Variants in IL1RL2 observed in about 807,000 individuals in gnomAD.
IL1RL2 encodes interleukin-1 receptor-like 2.
A neutral mutation model predicts 66.8 loss-of-function variants in IL1RL2; 68 were observed. That is an observed-to-expected ratio of 1.02 (90% CI 0.84 to 1.25). The LOEUF (loss-of-function observed/expected upper bound fraction) is 1.25, where lower values mean the gene tolerates loss of function less well. Ranked by LOEUF, IL1RL2 falls within the 50% of genes most tolerant of loss-of-function variation. The pLI, the probability that IL1RL2 is intolerant of heterozygous loss-of-function variation, is 0.00. For synonymous variants in IL1RL2, 305 were observed against 264.6 expected, an observed-to-expected ratio of 1.15 and a Z score of -1.48; for missense variants, 729 against 709.3, an observed-to-expected ratio of 1.03 and a Z score of -0.32.
chr2:102,233,799 C>T (rs1469981146), intron 10 of IL1RL2, among the ~76,000 whole-genome samples: 3 of 152,116 alleles, frequency 2.0e-5, no homozygotes, highest in Non-Finnish European at 2.9e-5. Flanking sequence ...ACAGTGCTTT[C>T]CTGTCCCTTT....
At chr2:102,189,434 TACAAG>T (rs1321342177) in intron 3 of IL1RL2, 124 bp downstream of exon 3, 2 of 645,538 alleles carry the variant, frequency 3.1e-6, no homozygotes, top group South Asian at 2.1e-5. Context: ...TTATAATTGC[TACAAG>T]ACAATTTCCA....
At chr2:102,219,806 C>T (rs1689938531) in intron 7 of IL1RL2, 75 bp from the exon 8 acceptor site, 2 of 1,404,764 alleles carry the variant, frequency 1.4e-6, no homozygotes, top group East Asian at 2.3e-5. Context: ...AACACTTTAT[C>T]TCCAGAAAAC....
rs371560590 is a variant in IL1RL2, at chr2:102,236,711, C to T, written c.1678+1434C>T. On this transcript the variant is annotated intron_variant, in intron 11 of 11. Coordinates refer to ENST00000264257, the MANE Select transcript of IL1RL2 (RefSeq NM_003854.4). ...CATCCTCTCAAGCTGAAATTCTGTG[C>T]CCATTAAGCTATGCCTCCCTATTGC... is the stretch of plus-strand genomic sequence containing the variant. Among the ~76,000 whole-genome samples, 4 of 152,172 alleles carry T rather than the reference C, an allele frequency of 2.6e-5. No individual in the cohort carries two copies. The East Asian group carries it at 7.7e-4, about 29-fold the overall frequency.
intron 6 of IL1RL2, among the ~76,000 whole-genome samples, chr2:102,214,317 T>C (rs1689423744): frequency 1.3e-5 from 2 of 152,184 alleles, no homozygotes; most frequent in African/African-American, 4.8e-5. Context: ...TAAAAAACTA[T>C]AATCACTAGC....
chr2:102,237,754 C>T (rs1013903238), intron 11 of IL1RL2, among the ~76,000 whole-genome samples: 1 of 152,162 alleles, frequency 6.6e-6, no homozygotes. Flanking sequence ...GACATGTAGG[C>T]AGGTTGGCAG....
At chr2:102,201,522 T>G (rs1392563647) in intron 4 of IL1RL2, 34 bp from the exon 5 acceptor site, 1 of 1,598,216 alleles carries the variant, frequency 6.3e-7, no homozygotes, top group Non-Finnish European at 8.6e-7. Context: ...TTCTAAGTAT[T>G]CATTGAATTG....
At position 102,192,115 on chromosome 2, in the gene IL1RL2, T is replaced by C. The variant is rs781579978; in HGVS notation, c.484T>C (p.Tyr162His). The C allele has an allele frequency of 1.3e-6, 2 of 1,560,388 alleles. No homozygotes were observed. The highest frequency in any genetic ancestry group is 1.2e-5 in the South Asian group (1 of 82,764). ...TTGTGTTTTGGGTCCAATAAAGTGG[T>C]ATAAGGTAAAAAAGAATTTTCTTAT... ...KSCVLGPIKW[Y>H]KDCNEIKGER... Residue 162 changes from tyrosine (Y) to histidine (H), a missense_variant, in exon 4 of 12, where the codon TAT becomes CAT. Tyr to His is a moderately conservative substitution (Grantham distance 83, BLOSUM62 2). Coordinates refer to ENST00000264257, the MANE Select transcript of IL1RL2 (RefSeq NM_003854.4).
chr2:102,187,447 C>G, intron 1 of IL1RL2: 1 of 1,018,458 alleles, frequency 9.8e-7, no homozygotes, highest in Admixed American at 4.2e-5. Context: ...GGGGAGGCTC[C>G]GTGCGCCGCG....
chr2:102,191,994 C>G lies in IL1RL2; in HGVS notation c.363C>G (p.Ser121=). ...TVFEKHWCDT[S]IGGLPNLSDE... ...TTGAAAAACATTGGTGTGACACTTC[C>G]ATAGGTGGTTTACCAAATTTATCAG... Residue 121 remains serine (S), a synonymous_variant, in exon 4 of 12, where the codon TCC becomes TCG. Transcript: ENST00000264257. 2 of 1,612,436 alleles carry G rather than the reference C, an allele frequency of 1.2e-6. No homozygotes were observed. Among genetic ancestry groups the G allele is most frequent in the Non-Finnish European group, 8.5e-7 (1 of 1,179,172 alleles).
chr2:102,188,010 T>G (rs949370681), intron 2 of IL1RL2, 85 bp downstream of exon 2: 21 of 1,386,566 alleles, frequency 1.5e-5, no homozygotes, highest in Non-Finnish European at 2.1e-5. Context: ...GGGGATCGCG[T>G]CAGCCCGAGC....
chr2:102,219,255 G>C (rs1477342935), intron 7 of IL1RL2, among the ~76,000 whole-genome samples, 173 bp downstream of exon 7: 1 of 152,152 alleles, frequency 6.6e-6, no homozygotes, highest in East Asian at 1.9e-4. Context: ...GTATCCCTGA[G>C]AGCAGTAAGA....
intron 5 of IL1RL2, among the ~76,000 whole-genome samples, chr2:102,204,535 T>A (rs1435663650): frequency 6.6e-6 from 1 of 152,112 alleles, no homozygotes; most frequent in African/African-American, 2.4e-5. Context: ...TTAGCTCCAA[T>A]AATATTTGTT....
In IL1RL2 at chr2:102,198,476, G is replaced by GGTCC. The variant is rs2104746587; in HGVS notation, c.490-3079_490-3076dup. On this transcript the variant is annotated intron_variant, in intron 4 of 11. Coordinates refer to ENST00000264257, the MANE Select transcript of IL1RL2 (RefSeq NM_003854.4). Reference sequence around the variant, plus strand: ...ATTACTCCTCAGCACAGTGGTTTTGGGTCCCTATCACTGTGCTCAATCTGA... The same window carrying GGTCC: ...ATTACTCCTCAGCACAGTGGTTTTGGGTCCGTCCCTATCACTGTGCTCAATCTGA... Among the ~76,000 whole-genome samples, 2 of 152,110 alleles carry GGTCC rather than the reference G, an allele frequency of 1.3e-5. 1 individual carries two copies. The highest frequency in any genetic ancestry group is 4.2e-4 in the South Asian group (2 of 4,804).
At chr2:102,211,069 G>C (rs1034915829) in intron 5 of IL1RL2, among the ~76,000 whole-genome samples, 4 of 152,206 alleles carry the variant, frequency 2.6e-5, no homozygotes, top group Admixed American at 2.0e-4. Flanking sequence ...GATTTTACAT[G>C]TGTGTGATCT....
rs758664342 is a variant in IL1RL2 at position 102,225,872 on chromosome 2, T to A, written c.992-26T>A. The stretch of plus-strand genomic sequence containing the variant: ...GTTTCATTATTATAATTATAATTAT[T>A]ATTATTTTTTTGCTGTCATTTGTAG... On this transcript the variant is annotated intron_variant, in intron 8 of 11. Transcript: ENST00000264257. 4.1e-6 allele frequency: 6 copies of A among 1,460,044 alleles called. No individual in the cohort carries two copies. In the South Asian group the frequency reaches 4.2e-5, roughly 10 times the overall value. The allele number at this position is 1,460,044 out of a possible 1,614,324, so 90.4% of individuals were successfully genotyped here.
chr2:102,189,375 C>A, intron 3 of IL1RL2, 65 bp downstream of exon 3: 1 of 975,748 alleles, frequency 1.0e-6, no homozygotes, highest in Non-Finnish European at 1.5e-6. Flanking sequence ...TAGGAAAATT[C>A]TTAACGAACA....
chr2:102,191,182 T>C (rs1687202392), intron 3 of IL1RL2, among the ~76,000 whole-genome samples: 2 of 152,198 alleles, frequency 1.3e-5, no homozygotes, highest in South Asian at 2.1e-4. Context: ...AAAAACTGAA[T>C]ACTGCCTTAG....
chr2:102,223,611 GGCATCAGTACTCTCGA>G (rs1690338263), intron 8 of IL1RL2, among the ~76,000 whole-genome samples: 1 of 152,134 alleles, frequency 6.6e-6, no homozygotes, highest in South Asian at 2.1e-4. Flanking sequence ...CAGAGCAGAG[GGCATCAGTACTCTCGA>G]AGGCAATGAG....
intron 9 of IL1RL2, among the ~76,000 whole-genome samples, chr2:102,228,481 T>C (rs1224204656): frequency 1.3e-5 from 2 of 152,240 alleles, no homozygotes; most frequent in East Asian, 3.8e-4. Context: ...CAGCAAGTTC[T>C]GTATCTTCTC....
Sources: gnomAD v4.1 joint callset for allele counts (sites outside exome capture counted in the v4.1 genomes callset) on GRCh38, gnomAD v4.1.1 for gene constraint, MANE v1.5 for transcripts, NCBI Gene and HGNC (gene_info 2026-07-23, HGNC 2026-07-21) for gene names.